The following PCDHB6 variants were observed in gnomAD, a reference collection of about 807,000 sequenced individuals.
PCDHB6 encodes the protein protocadherin beta 6.
For synonymous variants in PCDHB6, 506 were observed against 459.0 expected (o/e 1.10, Z -1.31); for missense variants, 1,137 against 1,010.1 (o/e 1.13, Z -1.70).
Position 141,150,091 on chromosome 5 carries a change from C to T in PCDHB6, c.-167C>T. ...AGAAGCCAAGTAAAAATACAGACCA[C>T]GTTTACAGCTAAAGCTGAGATAGAT... On this transcript the variant is annotated 5_prime_UTR_variant, in exon 1 of 1. It adds an upstream start codon to the 5' untranslated region. Transcript: ENST00000231136. 1 of 597,668 alleles carries T rather than the reference C, an allele frequency of 1.7e-6. No homozygotes were observed. The highest frequency in any genetic ancestry group is 2.2e-5 in the South Asian group (1 of 44,786). 37.0% of individuals were successfully genotyped at this position (597,668 alleles called of 1,614,324 possible).
In PCDHB6 at chr5:141,151,348, C is replaced by G; in HGVS notation, c.1091C>G (p.Ala364Gly). 1 of 1,614,136 alleles carries G rather than the reference C, an allele frequency of 6.2e-7. No homozygotes were observed. The highest frequency in any genetic ancestry group is 8.5e-7 in the Non-Finnish European group (1 of 1,180,030). The part of the protein sequence containing the change: ...IPENLPEITV[A>G]VFSVSDADSG... Reference sequence around the variant, plus strand: ...GAAAACTTACCAGAGATCACAGTGGCAGTTTTCAGTGTTTCAGATGCAGAC... The same window carrying G: ...GAAAACTTACCAGAGATCACAGTGGGAGTTTTCAGTGTTTCAGATGCAGAC... The change falls in exon 1 of 1, where the codon GCA (alanine) becomes GGA (glycine). Residue 364 changes from alanine to glycine, a missense_variant. Transcript: ENST00000231136.
In PCDHB6 at chr5:141,152,518, C is replaced by T; in HGVS notation, c.2261C>T (p.Thr754Met). 1.9e-6 allele frequency: 3 copies of T among 1,614,052 alleles called. No individual in the cohort carries two copies. The highest frequency in any genetic ancestry group is 2.5e-6 in the Non-Finnish European group (3 of 1,180,030). The change falls in exon 1 of 1, where the codon ACG (threonine) becomes ATG (methionine). Residue 754 changes from threonine (T) to methionine (M), a missense_variant. Thr to Met is a moderately conservative substitution (Grantham distance 81). Transcript: ENST00000231136. Reference sequence around the variant, plus strand: ...AGCTACCAGTACAAGGTGTGTCTGACGGGAGGCTCAGAAACAAATGAGTTC... The same window carrying T: ...AGCTACCAGTACAAGGTGTGTCTGATGGGAGGCTCAGAAACAAATGAGTTC... Reference protein sequence around the residue: ...SQSYQYKVCLTGGSETNEFKF... With the variant: ...SQSYQYKVCLMGGSETNEFKF...
Position 141,150,853 on chromosome 5 carries a change from T to C in PCDHB6, c.596T>C (p.Leu199Ser). Reference sequence around the variant, plus strand: ...CCGGAGCTGGTGCTAGACAAACCGTTGGACCGCGAGGAGCAGCCCCAACTC... The same window carrying C: ...CCGGAGCTGGTGCTAGACAAACCGTCGGACCGCGAGGAGCAGCCCCAACTC... ...KFPELVLDKPLDREEQPQLRL... is the reference protein window; with the variant it reads ...KFPELVLDKPSDREEQPQLRL... The change falls in exon 1 of 1, where the codon TTG (leucine) becomes TCG (serine). Residue 199 changes from leucine to serine, a missense_variant. By Grantham distance (145) the Leu-to-Ser change is moderately radical. Transcript: ENST00000231136. 6.2e-7 allele frequency: 1 copy of C among 1,614,214 alleles called. No homozygotes were observed. Among genetic ancestry groups the C allele is most frequent in the Non-Finnish European group, 8.5e-7 (1 of 1,180,040 alleles).
In PCDHB6 at chr5:141,151,559, C is replaced by G; in HGVS notation, c.1302C>G (p.Ser434Arg). The change falls in exon 1 of 1, where the codon AGC becomes AGG. Residue 434 changes from serine (S) to arginine (R), a missense_variant. Transcript: ENST00000231136. ...LGTPRLKTQQ[S>R]ITVQVSDVND... ...CACCAAGGCTGAAAACCCAGCAGAG[C>G]ATAACTGTGCAGGTCTCCGACGTCA... is the stretch of plus-strand genomic sequence containing the variant. 6.2e-7 allele frequency: 1 copy of G among 1,614,146 alleles called. No individual in the cohort carries two copies. Among genetic ancestry groups the G allele is most frequent in the Non-Finnish European group, 8.5e-7 (1 of 1,180,028 alleles).
Position 141,151,846 on chromosome 5 carries a change from G to T in PCDHB6, c.1589G>T (p.Gly530Val). ...CTGCAGTCTTTCGAGTTCCGCGTGG[G>T]CGCCACAGACCGCGGCTCCCCGGCG... Reference protein sequence around the residue: ...EALQSFEFRVGATDRGSPALS... With the variant: ...EALQSFEFRVVATDRGSPALS... Residue 530 changes from glycine (G) to valine (V), a missense_variant, in exon 1 of 1, where the codon GGC (glycine) becomes GTC (valine). By Grantham distance (109) the Gly-to-Val change is moderately radical. Transcript: ENST00000231136. 1 of 1,612,536 alleles carries T rather than the reference G, an allele frequency of 6.2e-7. No individual in the cohort carries two copies. The highest frequency in any genetic ancestry group is 8.5e-7 in the Non-Finnish European group (1 of 1,179,846).
At position 141,152,501 on chromosome 5, in the gene PCDHB6, G is replaced by GT. The variant is rs1380169547; in HGVS notation, c.2245dup (p.Tyr749LeufsTer13). The GT allele has an allele frequency of 6.2e-7, 1 of 1,614,098 alleles. No individual in the cohort carries two copies. The highest frequency in any genetic ancestry group is 1.3e-5 in the African/African-American group (1 of 74,936). On this transcript the variant is annotated frameshift_variant, in exon 1 of 1. Transcript: ENST00000231136. LOFTEE classifies it low-confidence loss of function (END_TRUNC). ...CCGGGACCCTATCCCAGAGCTACCAGTACAAGGTGTGTCTGACGGGAGGCT... is the reference window on the plus strand; with the variant it reads ...CCGGGACCCTATCCCAGAGCTACCAGTTACAAGGTGTGTCTGACGGGAGGCT...
Position 141,150,971 on chromosome 5 carries a change from C to A in PCDHB6, c.714C>A (p.Val238=), listed in dbSNP as rs782263912. ...AGGTTTTGGACATCAATGACAACGT[C>A]CCCGAGTTTGCTCAGGAGCTCTATG... The part of the protein sequence containing the change: ...QIQVLDINDN[V]PEFAQELYEA... The change falls in exon 1 of 1, where the codon GTC becomes GTA. Residue 238 remains valine (V), a synonymous_variant. Coordinates refer to ENST00000231136, the MANE Select transcript of PCDHB6 (RefSeq NM_018939.4). 4.3e-6 allele frequency: 7 copies of A among 1,614,172 alleles called. No individual in the cohort carries two copies. The highest frequency in any genetic ancestry group is 5.9e-6 in the Non-Finnish European group (7 of 1,180,012).
At position 141,150,139 on chromosome 5, in the gene PCDHB6, C is replaced by T. The variant is rs1752814444; in HGVS notation, c.-119C>T. 5 of 770,032 alleles carry T rather than the reference C, an allele frequency of 6.5e-6. No homozygotes were observed. The highest frequency in any genetic ancestry group is 5.3e-5 in the Admixed American group (2 of 37,456). The allele number at this position is 770,032 out of a possible 1,614,324, so 47.7% of individuals were successfully genotyped here. ...GATGTGTCCGGGAAGGCAGTCGTCG[C>T]CAGACAAGTTGTAAGAACGAATTTA... is the stretch of plus-strand genomic sequence containing the variant. On this transcript the variant is annotated 5_prime_UTR_variant, in exon 1 of 1. Transcript: ENST00000231136.
chr5:141,151,527 T>G lies in PCDHB6; in HGVS notation c.1270T>G (p.Leu424Val). ...EYNITITVTDLGTPRLKTQQS... is the reference protein window; with the variant it reads ...EYNITITVTDVGTPRLKTQQS... ...CAACATCACTATCACGGTCACTGAT[T>G]TGGGGACACCAAGGCTGAAAACCCA... The change falls in exon 1 of 1, where the codon TTG (leucine) becomes GTG (valine). Residue 424 changes from leucine (L) to valine (V), a missense_variant. Physicochemically the swap from Leu to Val is conservative, Grantham distance 32. Transcript: ENST00000231136. 2.5e-6 allele frequency: 4 copies of G among 1,614,110 alleles called. No individual in the cohort carries two copies. The highest frequency in any genetic ancestry group is 3.4e-6 in the Non-Finnish European group (4 of 1,180,024).
In PCDHB6 at chr5:141,150,861, G is replaced by T; in HGVS notation, c.604G>T (p.Glu202Ter). 6.2e-7 allele frequency: 1 copy of T among 1,614,172 alleles called. No individual in the cohort carries two copies. Among genetic ancestry groups the T allele is most frequent in the African/African-American group, 1.3e-5 (1 of 75,044 alleles). Residue 202 changes from glutamate to a stop codon, truncating the protein, a stop_gained, in exon 1 of 1, where the codon GAG (glutamate) becomes TAG (stop). Transcript: ENST00000231136. LOFTEE classifies it low-confidence loss of function (END_TRUNC). ...GGTGCTAGACAAACCGTTGGACCGC[G>T]AGGAGCAGCCCCAACTCAGGCTAAC... ...ELVLDKPLDR[E>*]EQPQLRLTLI...
In PCDHB6 at chr5:141,150,850, C is replaced by T; in HGVS notation, c.593C>T (p.Pro198Leu). ...TTCCCGGAGCTGGTGCTAGACAAAC[C>T]GTTGGACCGCGAGGAGCAGCCCCAA... is the stretch of plus-strand genomic sequence containing the variant. Reference protein sequence around the residue: ...RKFPELVLDKPLDREEQPQLR... With the variant: ...RKFPELVLDKLLDREEQPQLR... Residue 198 changes from proline to leucine, a missense_variant, in exon 1 of 1, where the codon CCG (proline) becomes CTG (leucine). Pro to Leu is a moderately conservative substitution (Grantham distance 98). Coordinates refer to ENST00000231136, the MANE Select transcript of PCDHB6 (RefSeq NM_018939.4). 1 of 1,614,194 alleles carries T rather than the reference C, an allele frequency of 6.2e-7. No individual in the cohort carries two copies. Among genetic ancestry groups the T allele is most frequent in the Non-Finnish European group, 8.5e-7 (1 of 1,180,040 alleles).
At position 141,150,344 on chromosome 5, in the gene PCDHB6, G is replaced by T. The variant is rs1554277386; in HGVS notation, c.87G>T (p.Ser29=). The change falls in exon 1 of 1, where the codon TCG becomes TCT. Residue 29 remains serine (S), a synonymous_variant. Transcript: ENST00000231136. ...TTTGGGGAGAGGTGGGTTCTGAATCGATTCAGTATTCCGTATTGGAGGAGA... is the reference window on the plus strand; with the variant it reads ...TTTGGGGAGAGGTGGGTTCTGAATCTATTCAGTATTCCGTATTGGAGGAGA... The part of the protein sequence containing the change: ...LMLWGEVGSE[S]IQYSVLEETE... 6.2e-7 allele frequency: 1 copy of T among 1,614,110 alleles called. No homozygotes were observed. The highest frequency in any genetic ancestry group is 1.7e-5 in the Admixed American group (1 of 60,020).
chr5:141,150,065 C>G lies in PCDHB6; in HGVS notation c.-193C>G. On this transcript the variant is annotated 5_prime_UTR_variant, in exon 1 of 1. Coordinates refer to ENST00000231136, the MANE Select transcript of PCDHB6 (RefSeq NM_018939.4). ...CAGACTCGGTGGACTCCGTTTCATCCAGAAGCCAAGTAAAAATACAGACCA... is the reference window on the plus strand; with the variant it reads ...CAGACTCGGTGGACTCCGTTTCATCGAGAAGCCAAGTAAAAATACAGACCA... 1 of 555,936 alleles carries G rather than the reference C, an allele frequency of 1.8e-6. No homozygotes were observed. Among genetic ancestry groups the G allele is most frequent in the Non-Finnish European group, 3.2e-6 (1 of 317,078 alleles). 34.4% of individuals were successfully genotyped at this position (555,936 alleles called of 1,614,324 possible).
At position 141,152,149 on chromosome 5, in the gene PCDHB6, G is replaced by A. The variant is rs782280946; in HGVS notation, c.1892G>A (p.Arg631Gln). The change falls in exon 1 of 1, where the codon CGA becomes CAA. Residue 631 changes from arginine to glutamine, a missense_variant. Physicochemically the swap from Arg to Gln is conservative, Grantham distance 43. Coordinates refer to ENST00000231136, the MANE Select transcript of PCDHB6 (RefSeq NM_018939.4). ...EVRTARLLSE[R>Q]DAAKHRLVVL... ...CGCACCGCCAGGCTGCTGAGCGAGC[G>A]AGACGCAGCCAAGCACAGGCTGGTG... 3 of 1,607,992 alleles carry A rather than the reference G, an allele frequency of 1.9e-6. No homozygotes were observed. Among genetic ancestry groups the A allele is most frequent in the African/African-American group, 2.7e-5 (2 of 74,802 alleles).
At position 141,152,398 on chromosome 5, in the gene PCDHB6, G is replaced by A. The variant is rs1554278028; in HGVS notation, c.2141G>A (p.Arg714Lys). The A allele has an allele frequency of 2.5e-6, 4 of 1,612,934 alleles. No individual in the cohort carries two copies. The African/African-American group carries it at 5.3e-5, about 22-fold the overall frequency. ...LLFVAVRLCR[R>K]SRAASVGRYS... ...TTCGTGGCGGTGCGGCTGTGCAGGAGGAGCAGGGCGGCCTCGGTGGGTCGC... is the reference window on the plus strand; with the variant it reads ...TTCGTGGCGGTGCGGCTGTGCAGGAAGAGCAGGGCGGCCTCGGTGGGTCGC... The change falls in exon 1 of 1, where the codon AGG becomes AAG. Residue 714 changes from arginine (R) to lysine (K), a missense_variant. Coordinates refer to ENST00000231136, the MANE Select transcript of PCDHB6 (RefSeq NM_018939.4).
Position 141,151,962 on chromosome 5 carries a change from C to T in PCDHB6, c.1705C>T (p.Pro569Ser). ...VLYPLQNGSA[P>S]CTELVPRAAE... ...GTACCCGCTGCAGAACGGCTCCGCG[C>T]CCTGCACCGAGCTGGTGCCCCGGGC... The change falls in exon 1 of 1, where the codon CCC becomes TCC. Residue 569 changes from proline (P) to serine (S), a missense_variant. Coordinates refer to ENST00000231136, the MANE Select transcript of PCDHB6 (RefSeq NM_018939.4). 3 of 1,610,598 alleles carry T rather than the reference C, an allele frequency of 1.9e-6. No homozygotes were observed. The highest frequency in any genetic ancestry group is 2.5e-6 in the Non-Finnish European group (3 of 1,179,674).
chr5:141,150,562 T>G lies in PCDHB6; in HGVS notation c.305T>G (p.Val102Gly). The G allele has an allele frequency of 6.2e-7, 1 of 1,614,180 alleles. No individual in the cohort carries two copies. The highest frequency in any genetic ancestry group is 8.5e-7 in the Non-Finnish European group (1 of 1,180,032). Residue 102 changes from valine (V) to glycine (G), a missense_variant, in exon 1 of 1, where the codon GTG becomes GGG. Coordinates refer to ENST00000231136, the MANE Select transcript of PCDHB6 (RefSeq NM_018939.4). ...EELCGSTEPC[V>G]LPFQVLLENP... Reference sequence around the variant, plus strand: ...CTGTGTGGCTCCACTGAGCCGTGTGTGCTACCTTTCCAAGTGTTACTGGAA... The same window carrying G: ...CTGTGTGGCTCCACTGAGCCGTGTGGGCTACCTTTCCAAGTGTTACTGGAA...
Position 141,150,225 on chromosome 5 carries a change from A to C in PCDHB6, c.-33A>C. Reference sequence around the variant, plus strand: ...TAGATGTGGTGATTGGGAGCTGAAAAGGATTTTTCTTCCGTATTCAGACAT... The same window carrying C: ...TAGATGTGGTGATTGGGAGCTGAAACGGATTTTTCTTCCGTATTCAGACAT... On this transcript the variant is annotated 5_prime_UTR_variant, in exon 1 of 1. Transcript: ENST00000231136. The C allele has an allele frequency of 6.6e-7, 1 of 1,524,006 alleles. No individual in the cohort carries two copies. Among genetic ancestry groups the C allele is most frequent in the Non-Finnish European group, 9.0e-7 (1 of 1,116,066 alleles). The allele number at this position is 1,524,006 out of a possible 1,614,324, so 94.4% of individuals were successfully genotyped here.
Position 141,152,668 on chromosome 5 carries a change from A to G in PCDHB6, c.*26A>G, listed in dbSNP as rs1752918740. On this transcript the variant is annotated 3_prime_UTR_variant, in exon 1 of 1. Transcript: ENST00000231136. ...GTGTGGGATTATTTTACTAAATCTT[A>G]CTTATGTTTGGAGATCTCTTTTAAC... 1.3e-6 allele frequency: 2 copies of G among 1,526,934 alleles called. No homozygotes were observed. The highest frequency in any genetic ancestry group is 1.8e-6 in the Non-Finnish European group (2 of 1,134,132). The allele number at this position is 1,526,934 out of a possible 1,614,324, so 94.6% of individuals were successfully genotyped here.
Sources: allele counts gnomAD v4.1 joint callset, GRCh38; gene constraint gnomAD v4.1.1; transcripts MANE v1.5; gene names NCBI Gene and HGNC (gene_info 2026-07-23, HGNC 2026-07-21).